TRAF3IP2: variants seen among roughly 807,000 people sequenced by gnomAD.
TRAF3IP2 encodes TRAF3 interacting protein 2.
A neutral mutation model predicts 57.9 loss-of-function variants in TRAF3IP2; 35 were observed. The ratio of observed to expected loss-of-function variants is 0.60; its 90% CI spans 0.46 to 0.80. TRAF3IP2 has a LOEUF of 0.80. Ranked by LOEUF, TRAF3IP2 falls within the 30% of genes least tolerant of loss-of-function variation. TRAF3IP2 has a pLI of 0.00. For missense variants in TRAF3IP2, 556 were observed against 706.4 expected (o/e 0.79, Z 2.41); for synonymous variants, 251 against 268.9 (o/e 0.93, Z 0.65).
chr6:111,566,615 G>A (rs558990040), intron 6 of TRAF3IP2, 55 bp from the exon 7 acceptor site: 20 of 1,488,348 alleles, frequency 1.3e-5, no homozygotes, highest in African/African-American at 4.1e-5. Flanking sequence ...CAGGACTGTG[G>A]GCATTCTCTG....
At chr6:111,594,529 G>A (rs1329198558) in intron 1 of TRAF3IP2, 1 of 451,584 alleles carries the variant, frequency 2.2e-6, no homozygotes, top group South Asian at 1.6e-5. Flanking sequence ...CCATCTGGGG[G>A]CTTGGAGGAG....
intron 3 of TRAF3IP2, 152 bp from the exon 4 acceptor site, chr6:111,575,973 C>T: frequency 1.3e-6 from 1 of 762,096 alleles, no homozygotes; most frequent in Non-Finnish European, 2.1e-6. Context: ...AGGGGAGCTC[C>T]ATGGAGTTGT....
At chr6:111,568,182 A>C (rs1795712162) in intron 5 of TRAF3IP2, among the ~76,000 whole-genome samples, 1 of 152,232 alleles carries the variant, frequency 6.6e-6, no homozygotes, top group Non-Finnish European at 1.5e-5. Flanking sequence ...TTCAATCTAT[A>C]TGTTTCAAAA....
intron 1 of TRAF3IP2, chr6:111,602,120 CCAGCACAGTAAGACTCACAT>C (rs940261786): frequency 1.3e-5 from 2 of 152,178 alleles, no homozygotes; most frequent in Non-Finnish European, 2.9e-5. Context: ...GGACATAAAC[CCAGCACAGTAAGACTCACAT>C]CAGGCTGAAG....
At chr6:111,561,832 A>T (rs1219705924) in intron 8 of TRAF3IP2, among the ~76,000 whole-genome samples, 1 of 152,238 alleles carries the variant, frequency 6.6e-6, no homozygotes, top group Non-Finnish European at 1.5e-5. Context: ...GAGGATGGCT[A>T]GCACAAGGTC....
intron 1 of TRAF3IP2, chr6:111,601,486 A>C: frequency 2.9e-6 from 1 of 342,304 alleles, no homozygotes; most frequent in Non-Finnish European, 5.4e-6. Flanking sequence ...GCAAGGACGG[A>C]TGGGATTTAA....
Position 111,572,880 on chromosome 6 carries a change from G to A in TRAF3IP2, c.1290+15C>T, listed in dbSNP as rs778369631. 38 of 1,603,488 alleles carry A rather than the reference G, an allele frequency of 2.4e-5. No homozygotes were observed. Among genetic ancestry groups the A allele is most frequent in the Middle Eastern group, 3.3e-4 (2 of 6,072 alleles). The stretch of plus-strand genomic sequence containing the variant: ...ACTATAACTGTTCAGTTATCTATTT[G>A]GACAAAATACTTACTGCAGTTTGGA... On this transcript the variant is annotated intron_variant, in intron 5 of 8. Transcript: ENST00000368761.
At chr6:111,590,911 T>C (rs749940294) in intron 2 of TRAF3IP2, among the ~76,000 whole-genome samples, 14 of 152,208 alleles carry the variant, frequency 9.2e-5, no homozygotes, top group Non-Finnish European at 1.6e-4. Flanking sequence ...GAAGAACCCA[T>C]ATGCCCAAAG....
chr6:111,591,080 A>G lies in TRAF3IP2; in HGVS notation c.829+178T>C, dbSNP rs1554264689. Among the ~76,000 whole-genome samples the G allele has an allele frequency of 6.6e-6, 1 of 152,170 alleles. No homozygotes were observed. The highest frequency in any genetic ancestry group is 1.5e-5 in the Non-Finnish European group (1 of 68,026). On this transcript the variant is annotated intron_variant, in intron 2 of 8. Transcript: ENST00000368761. This position sits in a 1 kb window ranked among gnomAD's most constrained non-coding sequence, Gnocchi z 4.9. Reference sequence around the variant, plus strand: ...GACAGGCTTTAGGCTAAGAAAAAGCATTCTCTGCAGGCCCTTTGCAAATCC... The same window carrying G: ...GACAGGCTTTAGGCTAAGAAAAAGCGTTCTCTGCAGGCCCTTTGCAAATCC...
intron 4 of TRAF3IP2, chr6:111,574,789 A>T (rs1795930950): frequency 6.6e-6 from 1 of 152,248 alleles, no homozygotes; most frequent in Non-Finnish European, 1.5e-5. Flanking sequence ...GTATGTGCTT[A>T]AGGAAATCTA....
chr6:111,565,996 T>C (rs1328430784), intron 7 of TRAF3IP2, among the ~76,000 whole-genome samples: 11 of 152,092 alleles, frequency 7.2e-5, no homozygotes, highest in Non-Finnish European at 2.9e-5. Context: ...GAAGCCAACT[T>C]TAACCAGGCC....
At chr6:111,567,287 T>C (rs1335543635) in intron 6 of TRAF3IP2, 11 of 1,050,498 alleles carry the variant, frequency 1.0e-5, no homozygotes, top group Middle Eastern at 9.0e-4. Context: ...TACAAAACAC[T>C]TGGGGTGGCC....
At chr6:111,593,789 G>A (rs751675962) in intron 1 of TRAF3IP2, among the ~76,000 whole-genome samples, 6 of 152,084 alleles carry the variant, frequency 3.9e-5, no homozygotes, top group Non-Finnish European at 7.4e-5. Context: ...AAATGAACAA[G>A]AGCCTACCCA....
intron 2 of TRAF3IP2, among the ~76,000 whole-genome samples, chr6:111,582,388 G>A (rs572022831): frequency 2.0e-5 from 3 of 152,200 alleles, no homozygotes; most frequent in Non-Finnish European, 2.9e-5. Flanking sequence ...GTTTAAAGAG[G>A]GGGAGGAGGA....
At chr6:111,561,981 A>G (rs757871552) in intron 8 of TRAF3IP2, among the ~76,000 whole-genome samples, 7 of 152,182 alleles carry the variant, frequency 4.6e-5, no homozygotes, top group Non-Finnish European at 8.8e-5. Context: ...TCCCGTTCCC[A>G]TAAACTGGAG....
intron 2 of TRAF3IP2, among the ~76,000 whole-genome samples, chr6:111,584,990 C>G (rs917245277): frequency 2.6e-5 from 4 of 152,200 alleles, no homozygotes; most frequent in African/African-American, 7.2e-5. Flanking sequence ...CTAGGCCCCA[C>G]TGACTTGCTT....
intron 5 of TRAF3IP2, among the ~76,000 whole-genome samples, chr6:111,570,574 T>C (rs1000762338): frequency 2.6e-5 from 4 of 152,298 alleles, no homozygotes; most frequent in African/African-American, 9.6e-5. Flanking sequence ...CAAGTCTTCA[T>C]AGAGATGAGG....
At chr6:111,574,896 G>A (rs1795933837) in intron 4 of TRAF3IP2, 1 of 152,216 alleles carries the variant, frequency 6.6e-6, no homozygotes, top group Non-Finnish European at 1.5e-5. Flanking sequence ...GCAAAAAAGT[G>A]CATTTTATTT....
At chr6:111,563,538 C>T (rs888192096) in intron 7 of TRAF3IP2, among the ~76,000 whole-genome samples, 14 of 152,128 alleles carry the variant, frequency 9.2e-5, no homozygotes, top group African/African-American at 1.4e-4. Flanking sequence ...ACCAGAGTGC[C>T]GGGTGAAAAG....
Sources: gnomAD v4.1 joint callset for allele counts (sites outside exome capture counted in the v4.1 genomes callset) on GRCh38, gnomAD v4.1.1 for gene constraint, Gnocchi (gnomAD v3.1) non-coding constraint, MANE v1.5 for transcripts, NCBI Gene and HGNC (gene_info 2026-07-23, HGNC 2026-07-21) for gene names.